The following OPCML variants were observed in gnomAD, a reference collection of about 807,000 sequenced individuals.
The protein encoded by OPCML is opioid-binding protein/cell adhesion molecule.
OPCML carries 13 observed loss-of-function variants against 37.8 expected under a neutral mutation model. That is an observed-to-expected ratio of 0.34 (90% CI 0.22 to 0.55). OPCML has a LOEUF of 0.55. Among genes scored for constraint, OPCML ranks in the 20% least tolerant of loss-of-function variants. The pLI is 0.91. For synonymous variants in OPCML, 176 were observed against 168.8 expected, an observed-to-expected ratio of 1.04 and a Z score of -0.33; for missense variants, 341 against 435.6, an observed-to-expected ratio of 0.78 and a Z score of 1.93.
intron 1 of OPCML, among the ~76,000 whole-genome samples, chr11:133,336,642 C>T (rs1247781744): frequency 6.6e-6 from 1 of 152,092 alleles, no homozygotes; most frequent in Non-Finnish European, 1.5e-5. Context: ...ATCAATTTCC[C>T]CCAGCCTCAA....
intron 1 of OPCML, among the ~76,000 whole-genome samples, chr11:133,335,727 C>A (rs889698188): frequency 2.0e-5 from 3 of 152,148 alleles, no homozygotes; most frequent in Non-Finnish European, 2.9e-5. Context: ...GGACAATTAA[C>A]CGGGCGAGGA....
At chr11:133,437,235 A>G (rs1291444709) in intron 1 of OPCML, among the ~76,000 whole-genome samples, 1 of 152,186 alleles carries the variant, frequency 6.6e-6, no homozygotes, top group African/African-American at 2.4e-5. Flanking sequence ...TTAGATAGAC[A>G]CACAGAAGGG....
chr11:132,612,736 G>A (rs1268604455), intron 3 of OPCML, among the ~76,000 whole-genome samples: 1 of 152,134 alleles, frequency 6.6e-6, no homozygotes, highest in African/African-American at 2.4e-5. Context: ...AATCAGGTTG[G>A]GATGAAGCTG....
At chr11:132,794,219 CCA>C (rs1049946681) in intron 2 of OPCML, among the ~76,000 whole-genome samples, 1 of 152,120 alleles carries the variant, frequency 6.6e-6, no homozygotes, top group African/African-American at 2.4e-5. Context: ...TCCTATTCTA[CCA>C]TAATACACTG....
chr11:132,477,220 C>T (rs1347910379), intron 4 of OPCML, among the ~76,000 whole-genome samples: 1 of 152,182 alleles, frequency 6.6e-6, no homozygotes, highest in Admixed American at 6.5e-5. Flanking sequence ...TCCCCATACA[C>T]CCATCTCAAG....
rs562285622 is a variant in OPCML at position 133,439,622 on chromosome 11, C to T, written c.61+92642G>A. ...GGCTGGGACTACAGGTGCCCGCCACCATGCCCGGCTAATTTTTTGTATTTT... is the reference window on the plus strand; with the variant it reads ...GGCTGGGACTACAGGTGCCCGCCACTATGCCCGGCTAATTTTTTGTATTTT... On this transcript the variant is annotated intron_variant, in intron 1 of 7. Coordinates refer to ENST00000524381, the MANE Select transcript of OPCML (RefSeq NM_001012393.5). Among the ~76,000 whole-genome samples the T allele has an allele frequency of 3.5e-4, 54 of 152,132 alleles. No individual in the cohort carries two copies. The South Asian group carries it at 5.0e-3, about 14-fold the overall frequency.
chr11:132,887,794 C>T (rs927249593), intron 2 of OPCML, among the ~76,000 whole-genome samples: 3 of 152,208 alleles, frequency 2.0e-5, no homozygotes, highest in South Asian at 2.1e-4. Flanking sequence ...TCCCTGTCCG[C>T]GCTGCGGCAC....
chr11:132,723,192 TA>T (rs771037536), intron 2 of OPCML, among the ~76,000 whole-genome samples: 23 of 152,342 alleles, frequency 1.5e-4, no homozygotes, highest in Non-Finnish European at 2.6e-4. Flanking sequence ...GCTTTTCATA[TA>T]AAAAACAACC....
rs1294890396 is a variant in OPCML, at chr11:132,537,768, A to C, written c.380-8582T>G. Among the ~76,000 whole-genome samples the C allele has an allele frequency of 3.3e-5, 5 of 152,228 alleles. No homozygotes were observed. The East Asian group carries it at 9.6e-4, about 29-fold the overall frequency. On this transcript the variant is annotated intron_variant, in intron 3 of 7. Coordinates refer to ENST00000524381, the MANE Select transcript of OPCML (RefSeq NM_001012393.5). ...AATGAACAAAGGAGTTGCATAAATA[A>C]TTCTCCAAAGAAGATATACTAATCG...
intron 2 of OPCML, among the ~76,000 whole-genome samples, chr11:132,699,240 C>T (rs2135916104): frequency 6.6e-6 from 1 of 152,086 alleles, no homozygotes; most frequent in Non-Finnish European, 1.5e-5. Flanking sequence ...TTAGTTCTAG[C>T]AGTTTGTTGG....
intron 1 of OPCML, among the ~76,000 whole-genome samples, chr11:133,279,617 C>T (rs544126647): frequency 7.9e-5 from 12 of 152,158 alleles, no homozygotes; most frequent in Non-Finnish European, 1.8e-4. Flanking sequence ...GACACGGCCC[C>T]TTCCTCTCAC....
chr11:133,434,509 A>G (rs1300647250), intron 1 of OPCML, among the ~76,000 whole-genome samples: 1 of 152,066 alleles, frequency 6.6e-6, no homozygotes, highest in Non-Finnish European at 1.5e-5. Flanking sequence ...TTATATTTTA[A>G]TTTTTGTGAG....
At chr11:133,081,483 G>A (rs1397208096) in intron 1 of OPCML, among the ~76,000 whole-genome samples, 4 of 152,212 alleles carry the variant, frequency 2.6e-5, no homozygotes, top group South Asian at 2.1e-4. Flanking sequence ...GTGGCTGAGC[G>A]AATGAATGAA....
At chr11:133,020,703 T>C (rs1947434458) in intron 1 of OPCML, among the ~76,000 whole-genome samples, 1 of 152,208 alleles carries the variant, frequency 6.6e-6, no homozygotes, top group African/African-American at 2.4e-5. Flanking sequence ...GGCTGATACC[T>C]GCACACACGA....
intron 1 of OPCML, among the ~76,000 whole-genome samples, chr11:133,190,923 A>G (rs942013626): frequency 6.6e-6 from 1 of 151,282 alleles, no homozygotes; most frequent in Non-Finnish European, 1.5e-5. Context: ...TCTTTTTTGG[A>G]CTATTTTGAA....
At chr11:132,448,636 C>T (rs2096061398) in intron 4 of OPCML, among the ~76,000 whole-genome samples, 1 of 152,222 alleles carries the variant, frequency 6.6e-6, no homozygotes, top group African/African-American at 2.4e-5. Context: ...TACCATCTAC[C>T]TCAGACTATG....
chr11:133,335,132 A>G (rs760262172), intron 1 of OPCML, among the ~76,000 whole-genome samples: 16 of 152,218 alleles, frequency 1.1e-4, no homozygotes, highest in Non-Finnish European at 1.8e-4. Flanking sequence ...CAGACATTGT[A>G]AAATGTCCCC....
chr11:133,374,014 CA>C (rs1399325976), intron 1 of OPCML, among the ~76,000 whole-genome samples: 2 of 151,898 alleles, frequency 1.3e-5, no homozygotes, highest in East Asian at 3.9e-4. Flanking sequence ...GGTATTTACC[CA>C]AAAGAAATGA....
At chr11:132,639,265 G>A (rs1363098555) in intron 3 of OPCML, among the ~76,000 whole-genome samples, 3 of 152,168 alleles carry the variant, frequency 2.0e-5, no homozygotes, top group Non-Finnish European at 2.9e-5. Context: ...AAGCTTAGGT[G>A]CCTAGAAAAC....
Sources: gnomAD v4.1 joint callset for allele counts (sites outside exome capture counted in the v4.1 genomes callset) on GRCh38, gnomAD v4.1.1 for gene constraint, MANE v1.5 for transcripts, NCBI Gene and HGNC (gene_info 2026-07-23, HGNC 2026-07-21) for gene names.